Variants in RPL9 observed in about 807,000 individuals in gnomAD.
RPL9 encodes ribosomal protein L9.
For synonymous variants in RPL9, 82 were observed against 77.1 expected (o/e 1.06, Z -0.33); for missense variants, 149 against 236.7 (o/e 0.63, Z 2.43).
intron 1 of RPL9, chr4:39,458,668 G>T (rs2109861017): frequency 1.6e-6 from 1 of 623,158 alleles, no homozygotes; most frequent in East Asian, 2.7e-5. Flanking sequence ...CCCAACCCTG[G>T]AAGTCCTATG....
At chr4:39,455,781 A>T in intron 5 of RPL9, 1 of 159,764 alleles carries the variant, frequency 6.3e-6, no homozygotes, top group South Asian at 1.8e-4. Flanking sequence ...AATAAAAAGC[A>T]CTAAGCTTTA....
intron 5 of RPL9, chr4:39,456,116 G>T (rs559732095): frequency 2.4e-6 from 1 of 408,456 alleles, no homozygotes; most frequent in East Asian, 5.8e-5. Flanking sequence ...TACACCTTTT[G>T]TAAATTTAAA....
chr4:39,457,978 T>C, intron 3 of RPL9: 5 of 689,546 alleles, frequency 7.3e-6, no homozygotes, highest in Non-Finnish European at 1.1e-5. Context: ...CATTAAGACG[T>C]GTCACTGATG....
intron 3 of RPL9, 119 bp downstream of exon 3, chr4:39,458,075 G>T: frequency 2.0e-6 from 2 of 984,272 alleles, no homozygotes; most frequent in Non-Finnish European, 3.2e-6. Context: ...ATTCTGGACA[G>T]CAACATTTAA....
At chr4:39,455,561 T>C (rs539857273) in intron 5 of RPL9, among the ~76,000 whole-genome samples, 17 of 152,114 alleles carry the variant, frequency 1.1e-4, no homozygotes, top group African/African-American at 3.9e-4. Context: ...CCAGGCACCA[T>C]AGCATTCCTT....
At chr4:39,454,505 TAA>T in intron 7 of RPL9, 26 bp downstream of exon 7, 3 of 1,516,038 alleles carry the variant, frequency 2.0e-6, no homozygotes, top group Non-Finnish European at 2.7e-6. Context: ...AGAGCAGTAA[TAA>T]AACTTAAGAC....
At chr4:39,454,670 C>T (rs983547027) in intron 6 of RPL9, 21 bp from the exon 7 acceptor site, 3 of 1,592,946 alleles carry the variant, frequency 1.9e-6, no homozygotes, top group Admixed American at 3.4e-5. Context: ...GAAGATAAAG[C>T]AATTAATACA....
intron 3 of RPL9, 44 bp downstream of exon 3, chr4:39,458,150 C>T (rs1397501383): frequency 6.3e-7 from 1 of 1,591,744 alleles, no homozygotes. Context: ...TGTTATAAAC[C>T]ACCTTCCAAC....
intron 1 of RPL9, 180 bp downstream of exon 1, chr4:39,458,711 G>A: frequency 3.2e-6 from 2 of 633,706 alleles, no homozygotes; most frequent in Non-Finnish European, 5.7e-6. Flanking sequence ...ACTGAGGGGC[G>A]GGAATAGGCC....
Position 39,458,910 on chromosome 4 carries a change from A to C in RPL9, c.-21T>G. 1.4e-6 allele frequency: 1 copy of C among 710,276 alleles called. No homozygotes were observed. Among genetic ancestry groups the C allele is most frequent in the Admixed American group, 2.0e-5 (1 of 50,082 alleles). 44.0% of individuals were successfully genotyped at this position (710,276 alleles called of 1,614,324 possible). ...CCTTACCTCGCAGTAGACGCAGCAA[A>C]GAAAGAACGTCTGTCGTCATTACGT... On this transcript the variant is annotated 5_prime_UTR_variant, in exon 1 of 8. Transcript: ENST00000295955.
At chr4:39,454,684 G>C (rs1370121799) in intron 6 of RPL9, 35 bp from the exon 7 acceptor site, 5 of 1,560,384 alleles carry the variant, frequency 3.2e-6, no homozygotes, top group East Asian at 2.2e-5. Context: ...TAATACATCA[G>C]CCTAACCCAT....
At chr4:39,457,434 A>C in intron 4 of RPL9, 152 bp downstream of exon 4, 2 of 633,022 alleles carry the variant, frequency 3.2e-6, no homozygotes. Context: ...TATCGCTTAA[A>C]GACCCACAGA....
intron 4 of RPL9, 185 bp downstream of exon 4, chr4:39,457,401 C>T: frequency 1.9e-6 from 1 of 538,752 alleles, no homozygotes. Flanking sequence ...ATGTTGTACC[C>T]ATCTGGTCTT....
chr4:39,456,631 C>T (rs1054972036), intron 4 of RPL9, 93 bp from the exon 5 acceptor site: 37 of 1,364,620 alleles, frequency 2.7e-5, no homozygotes, highest in Admixed American at 1.4e-4. Flanking sequence ...TATTTTAAAA[C>T]GTAACACTCA....
intron 5 of RPL9, 104 bp from the exon 6 acceptor site, chr4:39,455,048 A>ACCC: frequency 8.4e-7 from 1 of 1,184,068 alleles, no homozygotes. Context: ...CACCAAAAGA[A>ACCC]CCTTTTCTTA....
intron 5 of RPL9, 124 bp from the exon 6 acceptor site, chr4:39,455,068 G>A: frequency 9.9e-7 from 1 of 1,009,342 alleles, no homozygotes. Flanking sequence ...AAGATTTTGA[G>A]GCCGGGCACA....
At position 39,454,953 on chromosome 4, in the gene RPL9, G is replaced by T. The variant is rs1436900205; in HGVS notation, c.392-9C>A. Reference sequence around the variant, plus strand: ...TACTGAACAAGCAACACCTAAAAGGGGAGAGGGCATTTGCACAGCATCAAA... The same window carrying T: ...TACTGAACAAGCAACACCTAAAAGGTGAGAGGGCATTTGCACAGCATCAAA... On this transcript the variant is annotated splice_polypyrimidine_tract_variant and intron_variant, in intron 5 of 7. Transcript: ENST00000295955. The T allele has an allele frequency of 6.2e-7, 1 of 1,610,134 alleles. No individual in the cohort carries two copies. Among genetic ancestry groups the T allele is most frequent in the Non-Finnish European group, 8.5e-7 (1 of 1,177,750 alleles).
At chr4:39,458,751 C>A in intron 1 of RPL9, 140 bp downstream of exon 1, 2 of 664,598 alleles carry the variant, frequency 3.0e-6, no homozygotes, top group Non-Finnish European at 5.5e-6. Flanking sequence ...TCGCATCTGG[C>A]GCCGCCAGGC....
chr4:39,457,503 TGAAA>T (rs1744150465), intron 4 of RPL9, 79 bp downstream of exon 4: 11 of 1,182,318 alleles, frequency 9.3e-6, no homozygotes, highest in African/African-American at 7.5e-5. Flanking sequence ...ACCCATTCTC[TGAAA>T]GAGACACTTA....
Sources: allele counts gnomAD v4.1 joint callset (sites outside exome capture counted in the v4.1 genomes callset), GRCh38; gene constraint gnomAD v4.1.1; transcripts MANE v1.5; gene names NCBI Gene and HGNC (gene_info 2026-07-23, HGNC 2026-07-21).